ATG13: variants seen among roughly 807,000 people sequenced by gnomAD.
ATG13 encodes the protein autophagy related 13, also known as autophagy-related protein 13.
A neutral mutation model predicts 65.5 loss-of-function variants in ATG13; 23 were observed. The ratio of observed to expected loss-of-function variants is 0.35; its 90% CI spans 0.25 to 0.50. The LOEUF (loss-of-function observed/expected upper bound fraction) is 0.50, where lower values mean the gene tolerates loss of function less well. Ranked by LOEUF, ATG13 falls within the 20% of genes least tolerant of loss-of-function variation. ATG13 has a pLI of 0.98. For synonymous variants in ATG13, 252 were observed against 245.2 expected (o/e 1.03, Z -0.26); for missense variants, 566 against 677.0 (o/e 0.84, Z 1.82).
intron 9 of ATG13, 31 bp from the exon 10 acceptor site, chr11:46,657,493 C>T: frequency 1.3e-6 from 2 of 1,597,178 alleles, no homozygotes; most frequent in Non-Finnish European, 1.7e-6. Flanking sequence ...GGCATTCTAA[C>T]AAATACTGGA....
At chr11:46,632,991 C>A (rs2052367472) in intron 2 of ATG13, among the ~76,000 whole-genome samples, 1 of 128,038 alleles carries the variant, frequency 7.8e-6, no homozygotes, top group Non-Finnish European at 1.6e-5. Context: ...AGCAAGACCC[C>A]CATTAAAAAA....
intron 10 of ATG13, among the ~76,000 whole-genome samples, chr11:46,658,679 G>A (rs1047676904): frequency 1.8e-4 from 28 of 151,966 alleles, no homozygotes; most frequent in Admixed American, 5.3e-4. Context: ...GGGGTTACAG[G>A]CATGCGCCAC....
At chr11:46,655,173 G>A (rs1031997379) in intron 7 of ATG13, among the ~76,000 whole-genome samples, 1 of 152,084 alleles carries the variant, frequency 6.6e-6, no homozygotes, top group Admixed American at 6.6e-5. Context: ...GCTGAGACGG[G>A]CGGATCACGA....
intron 1 of ATG13, chr11:46,621,042 T>C (rs1276351525): frequency 1.3e-5 from 2 of 151,576 alleles, no homozygotes; most frequent in Non-Finnish European, 2.9e-5. Context: ...TGATACGGAG[T>C]CTTGCTCTGT....
At position 46,657,471 on chromosome 11, in the gene ATG13, G is replaced by A. The variant is rs1265670032; in HGVS notation, c.597-53G>A. 13 of 1,548,480 alleles carry A rather than the reference G, an allele frequency of 8.4e-6. No individual in the cohort carries two copies. In the Admixed American group the frequency reaches 1.5e-4, roughly 18 times the overall value. Reference sequence around the variant, plus strand: ...GTGAGGGGCCCTCTGAGGACTTTGTGGGGGCTGGAAAGGCATTCTAACAAA... The same window carrying A: ...GTGAGGGGCCCTCTGAGGACTTTGTAGGGGCTGGAAAGGCATTCTAACAAA... On this transcript the variant is annotated intron_variant, in intron 9 of 18. Transcript: ENST00000683050.
chr11:46,659,328 T>C, intron 10 of ATG13, 64 bp from the exon 11 acceptor site: 3 of 1,343,234 alleles, frequency 2.2e-6, no homozygotes, highest in Non-Finnish European at 3.2e-6. Context: ...AATCACCTTT[T>C]ATAGCCTTTC....
rs930354641 is a variant in ATG13 at position 46,672,813 on chromosome 11, C to G, written c.*481C>G. 18 of 1,299,834 alleles carry G rather than the reference C, an allele frequency of 1.4e-5. No individual in the cohort carries two copies. The South Asian group carries it at 2.2e-4, about 16-fold the overall frequency. The allele number at this position is 1,299,834 out of a possible 1,614,324, so 80.5% of individuals were successfully genotyped here. ...GCCAGGAGGAAGAAGGAAGGAGTCC[C>G]TTAGCTCTCTTCATTGTCCCCTTTA... On this transcript the variant is annotated 3_prime_UTR_variant, in exon 19 of 19. Transcript: ENST00000683050.
rs761767482 is a variant in ATG13, at chr11:46,659,447, G to C, written c.751G>C (p.Val251Leu). The part of the protein sequence containing the change: ...IYPSVEDSQE[V>L]CTTSFSTSPP... ...CCCGTCTGTAGAAGACTCTCAAGAAGTGTGTACCACCTCTTTTTCCACCTC... is the reference window on the plus strand; with the variant it reads ...CCCGTCTGTAGAAGACTCTCAAGAACTGTGTACCACCTCTTTTTCCACCTC... Residue 251 changes from valine (V) to leucine (L), a missense_variant, in exon 11 of 19, where the codon GTG (valine) becomes CTG (leucine). By Grantham distance (32) the Val-to-Leu change is conservative (BLOSUM62 1). Coordinates refer to ENST00000683050, the MANE Select transcript of ATG13 (RefSeq NM_001346311.2). 1 of 1,614,126 alleles carries C rather than the reference G, an allele frequency of 6.2e-7. No individual in the cohort carries two copies. The highest frequency in any genetic ancestry group is 8.5e-7 in the Non-Finnish European group (1 of 1,179,962).
intron 18 of ATG13, among the ~76,000 whole-genome samples, chr11:46,669,940 G>C (rs1260901249): frequency 6.6e-6 from 1 of 152,080 alleles, no homozygotes; most frequent in African/African-American, 2.4e-5. Flanking sequence ...AGCTCACTCC[G>C]TCATCTAGCA....
chr11:46,641,917 G>A (rs1041311579), intron 2 of ATG13, among the ~76,000 whole-genome samples: 3 of 152,026 alleles, frequency 2.0e-5, no homozygotes, highest in Non-Finnish European at 2.9e-5. Context: ...TAGGACTACA[G>A]GCATGTGCCA....
intron 11 of ATG13, among the ~76,000 whole-genome samples, chr11:46,662,166 GTTT>G: frequency 6.6e-6 from 1 of 152,156 alleles, no homozygotes; most frequent in Non-Finnish European, 1.5e-5. Context: ...TAGAAGCAGG[GTTT>G]TTTGTTGTTG....
At chr11:46,630,567 G>GTTT (rs1591546997) in intron 2 of ATG13, among the ~76,000 whole-genome samples, 2 of 95,244 alleles carry the variant, frequency 2.1e-5, no homozygotes, top group South Asian at 3.1e-4. Flanking sequence ...GAAATTAGAG[G>GTTT]CTTTTTTTTT....
intron 10 of ATG13, among the ~76,000 whole-genome samples, chr11:46,658,021 A>G (rs541381656): frequency 2.0e-4 from 31 of 151,320 alleles, no homozygotes; most frequent in African/African-American, 7.5e-4. Context: ...GTGAGCTGAG[A>G]TTGCACCACT....
chr11:46,667,375 C>G (rs1013044079), intron 14 of ATG13, among the ~76,000 whole-genome samples: 1 of 152,054 alleles, frequency 6.6e-6, no homozygotes, highest in Non-Finnish European at 1.5e-5. Flanking sequence ...TGGGAACAGC[C>G]AAATTAAATA....
intron 18 of ATG13, among the ~76,000 whole-genome samples, chr11:46,671,682 C>T (rs2063759965): frequency 6.6e-6 from 1 of 152,172 alleles, no homozygotes; most frequent in African/African-American, 2.4e-5. Flanking sequence ...GCGGAGGTTG[C>T]AGTGAGCTGA....
At chr11:46,655,849 C>T (rs2059938587) in intron 7 of ATG13, among the ~76,000 whole-genome samples, 1 of 152,066 alleles carries the variant, frequency 6.6e-6, no homozygotes, top group African/African-American at 2.4e-5. Flanking sequence ...GTGATCCTCC[C>T]ACCTCAGCCT....
At chr11:46,639,888 C>G (rs1430443233) in intron 2 of ATG13, among the ~76,000 whole-genome samples, 3 of 140,178 alleles carry the variant, frequency 2.1e-5, no homozygotes, top group South Asian at 4.5e-4. Context: ...GGGTCTTGCT[C>G]TGTCCCCCAT....
Position 46,664,033 on chromosome 11 carries a change from C to A in ATG13, c.826C>A (p.Pro276Thr), listed in dbSNP as rs1348116516. ...TGTCACAAAGGCACATTTTCAGACC[C>A]CTACTCCTGTGGTGACGGACACCCT... is the stretch of plus-strand genomic sequence containing the variant. ...FTVTKAHFQT[P>T]TPVVTDTLRV... The change falls in exon 12 of 19, where the codon CCT (proline) becomes ACT (threonine). Residue 276 changes from proline to threonine, a missense_variant. By Grantham distance (38) the Pro-to-Thr change is conservative (BLOSUM62 -1). Coordinates refer to ENST00000683050, the MANE Select transcript of ATG13 (RefSeq NM_001346311.2). The A allele has an allele frequency of 6.3e-7, 1 of 1,597,626 alleles. No individual in the cohort carries two copies. The highest frequency in any genetic ancestry group is 1.3e-5 in the African/African-American group (1 of 74,734).
intron 2 of ATG13, among the ~76,000 whole-genome samples, chr11:46,640,978 C>T (rs968329274): frequency 1.3e-5 from 2 of 152,200 alleles, no homozygotes; most frequent in African/African-American, 4.8e-5. Flanking sequence ...CTGACTTTGT[C>T]TCTGATAGCA....
Sources: gnomAD v4.1 joint callset for allele counts (sites outside exome capture counted in the v4.1 genomes callset) on GRCh38, gnomAD v4.1.1 for gene constraint, MANE v1.5 for transcripts, NCBI Gene and HGNC (gene_info 2026-07-23, HGNC 2026-07-21) for gene names.